Variants in PRSS55 observed in about 807,000 individuals in gnomAD.
The protein encoded by PRSS55 is serine protease 55, also known as probable serine protease UNQ9391/PRO34284.
In PRSS55, 41 loss-of-function variants were observed where a neutral mutation model predicts 23.6. That is an observed-to-expected ratio of 1.74 (90% CI 1.35 to 2.26). The LOEUF (loss-of-function observed/expected upper bound fraction) is 2.26, where lower values mean the gene tolerates loss of function less well. Ranked by LOEUF, PRSS55 falls within the 30% of genes most tolerant of loss-of-function variation. PRSS55 has a pLI of 0.00. For synonymous variants in PRSS55, 262 were observed against 175.5 expected (o/e 1.49, Z -3.90); for missense variants, 669 against 439.1 (o/e 1.52, Z -4.68).
chr8:10,543,468 C>CCT (rs1812724645), downstream of PRSS55, among the ~76,000 whole-genome samples: 7 of 104,302 alleles, frequency 6.7e-5, 1 homozygote, highest in South Asian at 2.2e-3. Flanking sequence ...TCCTTCCTTT[C>CCT]TTTCTTTCTC....
In PRSS55 at chr8:10,538,597, T is replaced by A; in HGVS notation, c.863T>A (p.Leu288Ter). Reference sequence around the variant, plus strand: ...AACACCCCAGGGATATACACCTCGTTGGTGAACTACAACCTCTGGATCGAG... The same window carrying A: ...AACACCCCAGGGATATACACCTCGTAGGTGAACTACAACCTCTGGATCGAG... ...EKNTPGIYTS[L>*]VNYNLWIEKV... is the part of the protein sequence containing the mutation. Residue 288 changes from leucine (L) to a stop codon, truncating the protein, a stop_gained, in exon 5 of 5, where the codon TTG (leucine) becomes TAG (stop). Transcript: ENST00000328655. LOFTEE classifies it low-confidence loss of function (END_TRUNC). The A allele has an allele frequency of 6.2e-7, 1 of 1,614,086 alleles. No homozygotes were observed. Among genetic ancestry groups the A allele is most frequent in the Non-Finnish European group, 8.5e-7 (1 of 1,179,986 alleles).
Position 10,538,696 on chromosome 8 carries a change from G to C in PRSS55, c.962G>C (p.Gly321Ala), listed in dbSNP as rs200907557. The change falls in exon 5 of 5, where the codon GGC (glycine) becomes GCC (alanine). Residue 321 changes from glycine to alanine, a missense_variant. Transcript: ENST00000328655. ...ACTTCTGTCAAACAGAAACCTATGG[G>C]CTCCCCAGTCTCGGGAGTCCCAGAG... ...RRTSVKQKPMGSPVSGVPEPG... is the reference protein window; with the variant it reads ...RRTSVKQKPMASPVSGVPEPG... 3.1e-6 allele frequency: 5 copies of C among 1,614,098 alleles called. No individual in the cohort carries two copies. The East Asian group carries it at 1.1e-4, about 36-fold the overall frequency.
chr8:10,528,518 C>T (rs947557411), intron 1 of PRSS55, among the ~76,000 whole-genome samples: 2 of 152,230 alleles, frequency 1.3e-5, no homozygotes, highest in South Asian at 4.1e-4. Context: ...GAGCTGGACC[C>T]GGCCTCTGTC....
chr8:10,548,499 C>G (rs1204589905), intron 4 of PRSS55, among the ~76,000 whole-genome samples: 1 of 152,090 alleles, frequency 6.6e-6, no homozygotes, highest in East Asian at 1.9e-4. Context: ...TGTGGCACCG[C>G]GGGGCTGCAC....
chr8:10,544,412 T>C (rs1365535978), intron 4 of PRSS55, among the ~76,000 whole-genome samples: 1 of 152,214 alleles, frequency 6.6e-6, no homozygotes, highest in Non-Finnish European at 1.5e-5. Context: ...ATATGTGAAT[T>C]TAAATGTGTT....
chr8:10,540,117 C>G (rs1812605029), downstream of PRSS55: 1 of 152,406 alleles, frequency 6.6e-6, no homozygotes, highest in Admixed American at 6.5e-5. Context: ...CTGTGTTCCA[C>G]CAGCGTGTGG....
At chr8:10,526,401 G>T (rs1812024462) in intron 1 of PRSS55, among the ~76,000 whole-genome samples, 1 of 152,226 alleles carries the variant, frequency 6.6e-6, no homozygotes, top group African/African-American at 2.4e-5. Flanking sequence ...GCAGCGCCAG[G>T]CTGCATGCCC....
chr8:10,539,567 A>G (rs1212446207), downstream of PRSS55, among the ~76,000 whole-genome samples: 2 of 152,230 alleles, frequency 1.3e-5, no homozygotes, highest in African/African-American at 4.8e-5. Context: ...AGCTCCCATA[A>G]TTCCCACGTG....
chr8:10,547,277 G>A (rs1812841232), intron 4 of PRSS55, among the ~76,000 whole-genome samples: 1 of 152,150 alleles, frequency 6.6e-6, no homozygotes, highest in Non-Finnish European at 1.5e-5. Context: ...TGACACAGGG[G>A]CATCACCCCT....
intron 4 of PRSS55, among the ~76,000 whole-genome samples, chr8:10,533,726 G>C (rs1181694614): frequency 6.6e-6 from 1 of 152,160 alleles, no homozygotes; most frequent in Non-Finnish European, 1.5e-5. Context: ...TGATGAACCT[G>C]CTTAGTCTCA....
chr8:10,538,735 G>A lies in PRSS55; in HGVS notation c.1001G>A (p.Arg334Lys), dbSNP rs1394481817. The part of the protein sequence containing the change: ...VSGVPEPGSP[R>K]SWLLLCPLSH... ...GGAGTCCCAGAGCCAGGCAGCCCCA[G>A]ATCCTGGCTCCTGCTCTGTCCCCTG... The change falls in exon 5 of 5, where the codon AGA becomes AAA. Residue 334 changes from arginine (R) to lysine (K), a missense_variant. Arg to Lys is a conservative substitution (Grantham distance 26). Coordinates refer to ENST00000328655, the MANE Select transcript of PRSS55 (RefSeq NM_198464.4). The A allele has an allele frequency of 6.2e-7, 1 of 1,612,700 alleles. No homozygotes were observed. The highest frequency in any genetic ancestry group is 1.3e-5 in the African/African-American group (1 of 74,804).
At chr8:10,532,642 C>G (rs1327783570) in intron 3 of PRSS55, among the ~76,000 whole-genome samples, 2 of 152,186 alleles carry the variant, frequency 1.3e-5, no homozygotes, top group Non-Finnish European at 2.9e-5. Flanking sequence ...GTCTGTGGGG[C>G]TGACTGGGGT....
At chr8:10,553,939 A>T (rs1444114926) in intron 4 of PRSS55, 12 of 1,492,684 alleles carry the variant, frequency 8.0e-6, no homozygotes, top group South Asian at 2.6e-5. Context: ...TTTTTTTTTT[A>T]AAGCAAAGCT....
At chr8:10,531,926 G>A (rs545862033) in intron 3 of PRSS55, among the ~76,000 whole-genome samples, 23 of 152,312 alleles carry the variant, frequency 1.5e-4, no homozygotes, top group Middle Eastern at 6.8e-3. Flanking sequence ...AGGCTCTGAC[G>A]GTCCTGGAGC....
At chr8:10,532,221 A>AG (rs1036208441) in intron 3 of PRSS55, among the ~76,000 whole-genome samples, 8 of 152,124 alleles carry the variant, frequency 5.3e-5, no homozygotes, top group Admixed American at 3.9e-4. Flanking sequence ...TAGCAACCAG[A>AG]GGGGGAAGCG....
intron 4 of PRSS55, among the ~76,000 whole-genome samples, chr8:10,550,215 G>A (rs373169381): frequency 9.2e-5 from 14 of 152,248 alleles, no homozygotes; most frequent in South Asian, 4.1e-4. Context: ...GAGCCATTGC[G>A]CCCGGCCCAC....
At position 10,536,664 on chromosome 8, in the gene PRSS55, C is replaced by G. The variant is rs1264639398; in HGVS notation, c.742-1812C>G. On this transcript the variant is annotated intron_variant, in intron 4 of 4. Transcript: ENST00000328655. ...ATAAAGAAATTGTGATACACGTACACTGTGGAATACTACGAAGCCATAAAA... is the reference window on the plus strand; with the variant it reads ...ATAAAGAAATTGTGATACACGTACAGTGTGGAATACTACGAAGCCATAAAA... Among the ~76,000 whole-genome samples the G allele has an allele frequency of 7.3e-5, 11 of 150,828 alleles. No homozygotes were observed. In the East Asian group the frequency reaches 1.9e-3, roughly 27 times the overall value.
Position 10,531,478 on chromosome 8 carries a change from C to A in PRSS55, c.531C>A (p.Leu177=). The A allele has an allele frequency of 6.2e-7, 1 of 1,613,964 alleles. No homozygotes were observed. Among genetic ancestry groups the A allele is most frequent in the Non-Finnish European group, 8.5e-7 (1 of 1,180,050 alleles). ...ATGACCTGAAGGTGCCCATCTGCCT[C>A]CCCACGCAGCCCGGCCCTGCCACAT... ...KLDDLKVPIC[L]PTQPGPATWR... Residue 177 remains leucine (L), a synonymous_variant, in exon 3 of 5, where the codon CTC becomes CTA. Coordinates refer to ENST00000328655, the MANE Select transcript of PRSS55 (RefSeq NM_198464.4).
At position 10,531,429 on chromosome 8, in the gene PRSS55, T is replaced by C. The variant is rs763252760; in HGVS notation, c.482T>C (p.Leu161Pro). 1.4e-5 allele frequency: 23 copies of C among 1,614,148 alleles called. No homozygotes were observed. Among genetic ancestry groups the C allele is most frequent in the African/African-American group, 2.7e-5 (2 of 74,960 alleles). Residue 161 changes from leucine (L) to proline (P), a missense_variant, in exon 3 of 5, where the codon CTG becomes CCG. Transcript: ENST00000328655. ...ATGGACAATGACATTGCCTTGCTGC[T>C]GCTGGCTTCGCCCATCAAGCTCGAT... ...ANMDNDIALL[L>P]LASPIKLDDL...
Sources: allele counts gnomAD v4.1 joint callset (sites outside exome capture counted in the v4.1 genomes callset), GRCh38; gene constraint gnomAD v4.1.1; transcripts MANE v1.5; gene names NCBI Gene and HGNC (gene_info 2026-07-23, HGNC 2026-07-21).